Variants in TG observed in about 807,000 individuals in gnomAD.
The protein encoded by TG is thyroglobulin.
TG carries 270 observed loss-of-function variants against 324.7 expected under a neutral mutation model. The observed-to-expected ratio is 0.83, with a 90% confidence interval of 0.75 to 0.92. The LOEUF (loss-of-function observed/expected upper bound fraction) is 0.92, where lower values mean the gene tolerates loss of function less well. Ranked by LOEUF, TG falls within the 40% of genes least tolerant of loss-of-function variation. The pLI, the probability that TG is intolerant of heterozygous loss-of-function variation, is 0.00. For missense variants in TG, 3,591 were observed against 3,456.4 expected (o/e 1.04, Z -0.98); for synonymous variants, 1,401 against 1,327.0 (o/e 1.06, Z -1.21).
intron 35 of TG, among the ~76,000 whole-genome samples, chr8:133,006,953 G>A (rs1936724741): frequency 1.3e-5 from 2 of 152,114 alleles, no homozygotes; most frequent in African/African-American, 2.4e-5. Context: ...AGAAAACCTG[G>A]CACGTTTTAA....
chr8:132,953,748 A>G (rs1219658505), intron 27 of TG, among the ~76,000 whole-genome samples: 4 of 152,176 alleles, frequency 2.6e-5, no homozygotes, highest in African/African-American at 4.8e-5. Context: ...TCACTTGGTA[A>G]CTGGGTTGAC....
chr8:133,093,141 T>TTTC (rs5895175), intron 41 of TG, among the ~76,000 whole-genome samples: 58,445 of 115,520 alleles, frequency 0.51, 12,464 homozygotes, highest in Middle Eastern at 0.6. Flanking sequence ...TTTCTTTTCT[T>TTTC]TTTTTTTTTT....
intron 35 of TG, among the ~76,000 whole-genome samples, chr8:133,009,919 A>G (rs954596431): frequency 2.0e-5 from 3 of 152,144 alleles, no homozygotes; most frequent in African/African-American, 7.2e-5. Flanking sequence ...TGAGCAACCA[A>G]AACATGGCAC....
chr8:133,120,728 T>C (rs1232049150), intron 45 of TG, among the ~76,000 whole-genome samples: 1 of 152,220 alleles, frequency 6.6e-6, no homozygotes, highest in African/African-American at 2.4e-5. Context: ...ATAAAGATTC[T>C]ATCTCTAAAT....
chr8:132,985,020 C>A (rs1396365770), intron 35 of TG, among the ~76,000 whole-genome samples: 2 of 152,000 alleles, frequency 1.3e-5, no homozygotes, highest in Non-Finnish European at 2.9e-5. Context: ...CCTAGTAGCC[C>A]CAAATTTCAA....
intron 40 of TG, among the ~76,000 whole-genome samples, chr8:133,024,080 C>A (rs1190691675): frequency 6.6e-6 from 1 of 152,246 alleles, no homozygotes; most frequent in Non-Finnish European, 1.5e-5. Context: ...CTGAGGCCAG[C>A]AGGGAGCAGC....
At chr8:133,007,678 CTT>C (rs1251604672) in intron 35 of TG, among the ~76,000 whole-genome samples, 1 of 151,162 alleles carries the variant, frequency 6.6e-6, no homozygotes, top group Non-Finnish European at 1.5e-5. Flanking sequence ...AAAAATAGGA[CTT>C]GAATTTATAA....
At chr8:133,051,432 A>G (rs1405753229) in intron 41 of TG, among the ~76,000 whole-genome samples, 1 of 152,162 alleles carries the variant, frequency 6.6e-6, no homozygotes, top group African/African-American at 2.4e-5. Context: ...AAGGAGTGTG[A>G]GGCAAAATGA....
intron 11 of TG, among the ~76,000 whole-genome samples, chr8:132,897,286 G>C (rs1239772314): frequency 6.6e-6 from 1 of 152,044 alleles, no homozygotes; most frequent in Non-Finnish European, 1.5e-5. Flanking sequence ...AATTAATTAA[G>C]GTATGTATTT....
chr8:132,901,451 C>G lies in TG; in HGVS notation c.3532C>G (p.Pro1178Ala). The change falls in exon 16 of 48, where the codon CCA becomes GCA. Residue 1178 changes from proline to alanine, a missense_variant. Coordinates refer to ENST00000220616, the MANE Select transcript of TG (RefSeq NM_003235.5). ...CAGGGCAGAGGATGGGGGCTTTTCC[C>G]CAGTGCAATGTGACCAGGCCCAGGG... ...ACRAEDGGFS[P>A]VQCDQAQGSC... is the part of the protein sequence containing the mutation. 1 of 1,614,222 alleles carries G rather than the reference C, an allele frequency of 6.2e-7. No homozygotes were observed. Among genetic ancestry groups the G allele is most frequent in the Non-Finnish European group, 8.5e-7 (1 of 1,180,044 alleles).
At chr8:133,102,670 C>G (rs1259213447) in intron 43 of TG, 45 of 1,073,276 alleles carry the variant, frequency 4.2e-5, no homozygotes, top group Non-Finnish European at 5.9e-5. Context: ...GAATTTCTCC[C>G]CCTTTTCTCT....
At chr8:132,975,609 T>A (rs1338892636) in intron 34 of TG, among the ~76,000 whole-genome samples, 2 of 152,100 alleles carry the variant, frequency 1.3e-5, no homozygotes, top group Non-Finnish European at 2.9e-5. Context: ...TACCTGGGGG[T>A]CCTCTGGCAT....
chr8:132,880,647 A>G (rs1368369842), intron 5 of TG, among the ~76,000 whole-genome samples: 1 of 152,244 alleles, frequency 6.6e-6, no homozygotes, highest in Non-Finnish European at 1.5e-5. Flanking sequence ...TTCCATTCAA[A>G]TTAAATAATA....
chr8:132,907,878 A>G (rs1818916895), intron 17 of TG, among the ~76,000 whole-genome samples: 1 of 152,190 alleles, frequency 6.6e-6, no homozygotes. Context: ...AAAACCATAC[A>G]GAGTGGCCCT....
At chr8:133,132,819 A>G (rs1852045226) in intron 46 of TG, among the ~76,000 whole-genome samples, 1 of 152,242 alleles carries the variant, frequency 6.6e-6, no homozygotes, top group Admixed American at 6.5e-5. Flanking sequence ...AGGAAGTCAC[A>G]GTTAAGCTGG....
At chr8:133,014,429 G>A (rs961266237) in intron 37 of TG, among the ~76,000 whole-genome samples, 2 of 152,234 alleles carry the variant, frequency 1.3e-5, no homozygotes, top group African/African-American at 2.4e-5. Context: ...ACAGGAAACA[G>A]GGACTGGGCA....
Position 132,948,001 on chromosome 8 carries a change from T to C in TG, c.5234-775T>C, listed in dbSNP as rs139016741. ...TTAAAATTCAGAGTCAGGAGACATA[T>C]TCAAGATAAAAGAGTCCAATGTCAT... On this transcript the variant is annotated intron_variant, in intron 26 of 47. Coordinates refer to ENST00000220616, the MANE Select transcript of TG (RefSeq NM_003235.5). Among the ~76,000 whole-genome samples, 313 of 152,330 alleles carry C rather than the reference T, an allele frequency of 2.1e-3. 1 individual carries two copies. The highest frequency in any genetic ancestry group is 7.3e-3 in the African/African-American group (305 of 41,594).
chr8:132,899,139 C>T, intron 14 of TG: 1 of 574,780 alleles, frequency 1.7e-6, no homozygotes, highest in Non-Finnish European at 3.1e-6. Flanking sequence ...CACATTTTGT[C>T]CTAGCTAATG....
intron 44 of TG, 30 bp from the exon 45 acceptor site, chr8:133,116,579 C>T (rs1433962247): frequency 6.3e-7 from 1 of 1,596,516 alleles, no homozygotes; most frequent in African/African-American, 1.3e-5. Flanking sequence ...CATGTTTAAC[C>T]AGACTCCCCC....
Sources: gnomAD v4.1 joint callset for allele counts (sites outside exome capture counted in the v4.1 genomes callset) on GRCh38, gnomAD v4.1.1 for gene constraint, MANE v1.5 for transcripts, NCBI Gene and HGNC (gene_info 2026-07-23, HGNC 2026-07-21) for gene names.